LUZP1: variants seen among roughly 807,000 people sequenced by gnomAD.
LUZP1 encodes filamin mechanobinding actin cross-linking protein.
LUZP1 carries 25 observed loss-of-function variants against 71.3 expected under a neutral mutation model. The observed-to-expected ratio is 0.35, with a 90% CI of 0.26 to 0.49. The LOEUF is 0.49. Ranked by LOEUF, LUZP1 falls within the 20% of genes least tolerant of loss-of-function variation. The probability of loss-of-function intolerance (pLI) is 0.99; values close to 1 mark genes in which losing one functional copy is unlikely to be tolerated. For synonymous variants in LUZP1, 481 were observed against 506.4 expected, an observed-to-expected ratio of 0.95 and a Z score of 0.67; for missense variants, 1,142 against 1,300.8, an observed-to-expected ratio of 0.88 and a Z score of 1.88.
chr1:23,156,615 T>A (rs537668968), intron 2 of LUZP1, among the ~76,000 whole-genome samples: 1 of 152,196 alleles, frequency 6.6e-6, no homozygotes, highest in Non-Finnish European at 1.5e-5. Flanking sequence ...AATTGTAATA[T>A]GGGTCATATT....
At chr1:23,141,884 C>T (rs1262740145) in intron 2 of LUZP1, among the ~76,000 whole-genome samples, 2 of 149,404 alleles carry the variant, frequency 1.3e-5, no homozygotes. Context: ...GCTTTTGTTG[C>T]CCAGGCTGGA....
At chr1:23,136,301 C>T (rs1380259740) in intron 2 of LUZP1, among the ~76,000 whole-genome samples, 2 of 133,100 alleles carry the variant, frequency 1.5e-5, no homozygotes, top group African/African-American at 2.7e-5. Flanking sequence ...CTTAAACACA[C>T]ACACACACAC....
chr1:23,083,647 G>T (rs12139776), downstream of LUZP1: 147,554 of 200,068 alleles, frequency 0.74, 54,603 homozygotes, highest in Non-Finnish European at 0.79. Flanking sequence ...TGGGGTTTTT[G>T]TTTTTTTTTT....
chr1:23,098,300 T>G (rs907796209), intron 3 of LUZP1, among the ~76,000 whole-genome samples: 1 of 152,196 alleles, frequency 6.6e-6, no homozygotes, highest in East Asian at 1.9e-4. Context: ...CCAAGGGGAC[T>G]TGAAGGCTTG....
intron 2 of LUZP1, among the ~76,000 whole-genome samples, chr1:23,114,434 G>C (rs1253326833): frequency 2.6e-5 from 4 of 152,144 alleles, no homozygotes; most frequent in African/African-American, 7.2e-5. Context: ...GACCAATCAG[G>C]GGGTATGGGG....
At chr1:23,108,711 C>G (rs1644004436) in intron 3 of LUZP1, among the ~76,000 whole-genome samples, 1 of 152,210 alleles carries the variant, frequency 6.6e-6, no homozygotes, top group African/African-American at 2.4e-5. Context: ...GTGATGACAA[C>G]AGTACTTACC....
At chr1:23,159,442 C>T (rs1264221926) in intron 2 of LUZP1, among the ~76,000 whole-genome samples, 1 of 152,112 alleles carries the variant, frequency 6.6e-6, no homozygotes, top group African/African-American at 2.4e-5. Flanking sequence ...TTTAAAAAAC[C>T]TCAGTATCTG....
At chr1:23,091,803 G>A in exon 4 of LUZP1, 2 of 1,614,088 alleles carry the variant, frequency 1.2e-6, no homozygotes, top group Non-Finnish European at 1.7e-6. Flanking sequence ...ATTGCTAGTG[G>A]ATGTGTGCCT....
At chr1:23,143,217 C>T (rs1404019299) in intron 2 of LUZP1, among the ~76,000 whole-genome samples, 1 of 151,968 alleles carries the variant, frequency 6.6e-6, no homozygotes, top group East Asian at 1.9e-4. Flanking sequence ...CCACATTGGC[C>T]AGGCTGGTCT....
intron 2 of LUZP1, among the ~76,000 whole-genome samples, chr1:23,143,168 C>G (rs1004680774): frequency 6.6e-6 from 1 of 151,992 alleles, no homozygotes; most frequent in African/African-American, 2.4e-5. Flanking sequence ...GCCACCAAGC[C>G]CAGCTAATTT....
exon 4 of LUZP1, chr1:23,092,384 C>G: frequency 6.2e-7 from 1 of 1,614,166 alleles, no homozygotes; most frequent in Non-Finnish European, 8.5e-7. Flanking sequence ...GTTGATTAAC[C>G]CCTTCTTTAT....
At chr1:23,123,488 T>A (rs1219730475) in intron 2 of LUZP1, among the ~76,000 whole-genome samples, 2 of 105,904 alleles carry the variant, frequency 1.9e-5, no homozygotes, top group Non-Finnish European at 3.7e-5. Context: ...TGAGACTTTG[T>A]CTCCAAAAAA....
Position 23,094,337 on chromosome 1 carries a change from T to G in LUZP1, c.-76A>C, listed in dbSNP as rs189376248. On this transcript the variant is annotated 5_prime_UTR_variant, in exon 4 of 5. Coordinates refer to ENST00000302291, the Ensembl canonical transcript of LUZP1. This position sits in a 1 kb window ranked among gnomAD's most constrained non-coding sequence, Gnocchi z 4.7. ...GGGATGAGAAATGGTTACCTTTCTC[T>G]TGGCAACCACAATCTTCTTTGACAG... 1 of 1,507,046 alleles carries G rather than the reference T, an allele frequency of 6.6e-7. No individual in the cohort carries two copies. Among genetic ancestry groups the G allele is most frequent in the African/African-American group, 1.4e-5 (1 of 71,416 alleles). The allele number at this position is 1,507,046 out of a possible 1,614,324, so 93.4% of individuals were successfully genotyped here.
At chr1:23,117,555 A>C in intron 2 of LUZP1, among the ~76,000 whole-genome samples, 1 of 129,906 alleles carries the variant, frequency 7.7e-6, no homozygotes, top group Admixed American at 8.9e-5. Context: ...TAACTTGCCC[A>C]GTTACAGCAG....
At chr1:23,097,334 T>C (rs1643898038) in intron 3 of LUZP1, among the ~76,000 whole-genome samples, 1 of 152,070 alleles carries the variant, frequency 6.6e-6, no homozygotes, top group African/African-American at 2.4e-5. Context: ...AGGTGGCAAG[T>C]AGAATGGACT....
intron 4 of LUZP1, 88 bp downstream of exon 3, chr1:23,091,100 TCA>T: frequency 7.6e-7 from 1 of 1,322,140 alleles, no homozygotes; most frequent in Non-Finnish European, 1.0e-6. Flanking sequence ...AGATCCTGGG[TCA>T]CACAGGCCAG....
At chr1:23,170,030 C>G (rs961247569) in intron 1 of LUZP1, among the ~76,000 whole-genome samples, 3 of 152,178 alleles carry the variant, frequency 2.0e-5, no homozygotes, top group East Asian at 1.9e-4. Context: ...TTAGCACACC[C>G]ACTGCTTTCC....
rs189133422 is a variant in LUZP1, at chr1:23,098,086, C to A, written c.-119-3706G>T. Among the ~76,000 whole-genome samples the A allele has an allele frequency of 4.7e-3, 717 of 152,310 alleles. 6 individuals carry two copies. Among genetic ancestry groups the A allele is most frequent in the South Asian group, 0.026 (127 of 4,818 alleles). On this transcript the variant is annotated intron_variant, in intron 3 of 4. Transcript: ENST00000302291. ...TAAAGTGAAACCAATCCACAAAGTTCTTTTTCTCCAGTCTTGTTCAGCTGG... is the reference window on the plus strand; with the variant it reads ...TAAAGTGAAACCAATCCACAAAGTTATTTTTCTCCAGTCTTGTTCAGCTGG...
intron 2 of LUZP1, among the ~76,000 whole-genome samples, chr1:23,125,997 G>A (rs973412843): frequency 6.6e-6 from 1 of 152,138 alleles, no homozygotes; most frequent in Non-Finnish European, 1.5e-5. Context: ...CTGATTAAGT[G>A]GATCTGTTAC....
Sources: allele counts gnomAD v4.1 joint callset (sites outside exome capture counted in the v4.1 genomes callset), GRCh38; gene constraint gnomAD v4.1.1; non-coding constraint Gnocchi (gnomAD v3.1); transcripts MANE v1.5; gene names NCBI Gene and HGNC (gene_info 2026-07-23, HGNC 2026-07-21).